Variants in C19orf38 observed in about 807,000 individuals in gnomAD.
C19orf38 encodes the protein chromosome 19 open reading frame 38.
C19orf38 carries 14 observed loss-of-function variants against 26.6 expected under a neutral mutation model. The ratio of observed to expected loss-of-function variants is 0.53; its 90% CI spans 0.35 to 0.82. C19orf38 has a LOEUF of 0.82. C19orf38 is among the 40% of genes least tolerant of loss of function. The pLI is 0.01. For missense variants in C19orf38, 261 were observed against 299.5 expected, an observed-to-expected ratio of 0.87 and a Z score of 0.95; for synonymous variants, 132 against 128.5, an observed-to-expected ratio of 1.03 and a Z score of -0.18.
At chr19:10,856,809 A>G (rs1398030602) in intron 3 of C19orf38, among the ~76,000 whole-genome samples, 1 of 147,564 alleles carries the variant, frequency 6.8e-6, no homozygotes, top group Non-Finnish European at 1.5e-5. Context: ...CGGCCTAAAA[A>G]TTTTTTATTT....
chr19:10,869,292 G>C lies in C19orf38; in HGVS notation c.618G>C (p.Arg206Ser), dbSNP rs767865908. 9.0e-5 allele frequency: 139 copies of C among 1,551,514 alleles called. No individual in the cohort carries two copies. The highest frequency in any genetic ancestry group is 1.1e-4 in the Non-Finnish European group (122 of 1,146,978). The change falls in exon 7 of 7, where the codon AGG (arginine) becomes AGC (serine). Residue 206 changes from arginine to serine, a missense_variant. Physicochemically the swap from Arg to Ser is moderately radical, Grantham distance 110 (BLOSUM62 -1). Coordinates refer to ENST00000397820, the MANE Select transcript of C19orf38 (RefSeq NM_001136482.3). ...SGTTATPSNS[R>S]TRKRPTSTSS... is the part of the protein sequence containing the mutation. ...CCACTGCCACCCCCAGCAACTCCAG[G>C]ACCCGGAAGAGGCCCACTTCCACGT... is the stretch of plus-strand genomic sequence containing the variant.
upstream of C19orf38, among the ~76,000 whole-genome samples, chr19:10,847,233 A>G (rs1304508573): frequency 6.6e-6 from 1 of 152,158 alleles, no homozygotes; most frequent in East Asian, 1.9e-4. Context: ...ATTGATCTGG[A>G]ACTGGTATTC....
intron 2 of C19orf38, among the ~76,000 whole-genome samples, 169 bp from the exon 3 acceptor site, chr19:10,856,096 C>T (rs1432665358): frequency 6.6e-6 from 1 of 152,198 alleles, no homozygotes; most frequent in Non-Finnish European, 1.5e-5. Flanking sequence ...TCACAATAGC[C>T]AGGAGCGGGG....
chr19:10,854,039 G>A (rs964674269), intron 2 of C19orf38, among the ~76,000 whole-genome samples: 1 of 151,298 alleles, frequency 6.6e-6, no homozygotes, highest in African/African-American at 2.4e-5. Flanking sequence ...GGTGACAGAG[G>A]GAGACCCTGT....
intron 3 of C19orf38, among the ~76,000 whole-genome samples, chr19:10,857,892 A>AAAAAAG (rs1019601740): frequency 2.6e-5 from 3 of 114,736 alleles, no homozygotes; most frequent in Non-Finnish European, 5.4e-5. Context: ...AAAAACAACA[A>AAAAAAG]AAAAAGAAAG....
chr19:10,854,713 A>G (rs977265298), intron 2 of C19orf38, among the ~76,000 whole-genome samples: 1 of 151,428 alleles, frequency 6.6e-6, no homozygotes, highest in Non-Finnish European at 1.5e-5. Flanking sequence ...TGGAACTGCC[A>G]CTCCCATGCC....
rs1351407965 is a variant in C19orf38 at position 10,848,574 on chromosome 19, C to G, written c.31+35C>G. The G allele has an allele frequency of 5.4e-6, 7 of 1,304,838 alleles. No individual in the cohort carries two copies. In the South Asian group the frequency reaches 8.7e-5, roughly 16 times the overall value. The allele number at this position is 1,304,838 out of a possible 1,614,324, so 80.8% of individuals were successfully genotyped here. ...AAGCCCCCCTCTCAGATCCCCCACG[C>G]CTTTCCCCCCATCCTCTGTCCACCT... On this transcript the variant is annotated intron_variant, in intron 1 of 6. Transcript: ENST00000397820.
chr19:10,843,463 T>C (rs2146241065), upstream of C19orf38, among the ~76,000 whole-genome samples: 1 of 152,370 alleles, frequency 6.6e-6, no homozygotes. Context: ...GGCCACTGCC[T>C]CTGTTACTGC....
In C19orf38 at chr19:10,848,425, C is replaced by G; in HGVS notation, c.-84C>G. ...GAATCAGCCCTGGTTCTCCTTTCCC[C>G]GATCTGGCCTCACAGGAGGAGTTGG... is the stretch of plus-strand genomic sequence containing the variant. On this transcript the variant is annotated 5_prime_UTR_variant, in exon 1 of 7. Coordinates refer to ENST00000397820, the MANE Select transcript of C19orf38 (RefSeq NM_001136482.3). The G allele has an allele frequency of 7.0e-7, 1 of 1,430,162 alleles. No homozygotes were observed. 88.6% of individuals were successfully genotyped at this position (1,430,162 alleles called of 1,614,324 possible). A position where few individuals can be genotyped will look rare whatever the true frequency, so the allele number is the denominator to read the frequency against.
chr19:10,844,245 A>G (rs534698277), upstream of C19orf38, among the ~76,000 whole-genome samples: 1 of 150,960 alleles, frequency 6.6e-6, no homozygotes, highest in South Asian at 2.1e-4. Flanking sequence ...TCTCTACTAA[A>G]AATACAAAAA....
At chr19:10,862,136 G>A (rs548746617) in intron 5 of C19orf38, among the ~76,000 whole-genome samples, 39 of 150,208 alleles carry the variant, frequency 2.6e-4, no homozygotes, top group East Asian at 1.2e-3. Flanking sequence ...TCCTGACCTC[G>A]TGATCTGCCC....
At chr19:10,868,717 G>C (rs1331533662) in intron 6 of C19orf38, among the ~76,000 whole-genome samples, 1 of 151,958 alleles carries the variant, frequency 6.6e-6, no homozygotes, top group South Asian at 2.1e-4. Flanking sequence ...TGTTGGCCAG[G>C]CTGGTCTCGA....
At chr19:10,858,451 ATG>A in intron 4 of C19orf38, 108 bp downstream of exon 4, 1 of 1,070,194 alleles carries the variant, frequency 9.3e-7, no homozygotes, top group Non-Finnish European at 1.4e-6. Context: ...CCTGGTGGGC[ATG>A]CTGCGTAATA....
chr19:10,864,495 G>A (rs887446774), intron 6 of C19orf38, among the ~76,000 whole-genome samples: 7 of 152,164 alleles, frequency 4.6e-5, no homozygotes, highest in Admixed American at 4.6e-4. Flanking sequence ...GGGACCCCAT[G>A]AAGAACTTTG....
intron 4 of C19orf38, 70 bp downstream of exon 4, chr19:10,858,413 C>T (rs2073653964): frequency 2.7e-5 from 38 of 1,413,714 alleles, no homozygotes; most frequent in Non-Finnish European, 3.7e-5. Flanking sequence ...GCAGGGTGGG[C>T]ACTCCATGCC....
chr19:10,842,050 T>C lies in C19orf38; in HGVS notation c.-69+5280T>C. The C allele has an allele frequency of 3.1e-6, 5 of 1,609,556 alleles. No individual in the cohort carries two copies. The Admixed American group carries it at 5.0e-5, about 16-fold the overall frequency. On this transcript the variant is annotated intron_variant, in intron 1 of 7. Coordinates refer to the C19orf38 transcript ENST00000592854. The stretch of plus-strand genomic sequence containing the variant: ...GTCCGAACTCCATCTGTTGCTCAGA[T>C]TGGAATTTCAGTGGAATTATTGGAC...
chr19:10,856,385 A>T (rs1185590209), intron 3 of C19orf38, 28 bp downstream of exon 3: 3 of 1,528,088 alleles, frequency 2.0e-6, no homozygotes, highest in Middle Eastern at 1.7e-4. Context: ...CTGGCACACA[A>T]GTTGCCAGTT....
At chr19:10,857,349 TA>T (rs2073636893) in intron 3 of C19orf38, among the ~76,000 whole-genome samples, 1 of 75,046 alleles carries the variant, frequency 1.3e-5, no homozygotes, top group Admixed American at 1.2e-4. Context: ...CATATATATA[TA>T]TATATATATA....
At chr19:10,843,775 C>A (rs1203854365), upstream of C19orf38, among the ~76,000 whole-genome samples, 2 of 152,102 alleles carry the variant, frequency 1.3e-5, no homozygotes, top group Non-Finnish European at 2.9e-5. Flanking sequence ...CTGCAGGTAA[C>A]AACACAGACC....
Sources: gnomAD v4.1 joint callset for allele counts (sites outside exome capture counted in the v4.1 genomes callset) on GRCh38, gnomAD v4.1.1 for gene constraint, MANE v1.5 for transcripts, NCBI Gene and HGNC (gene_info 2026-07-23, HGNC 2026-07-21) for gene names.